The following EFL1 variants were observed in gnomAD, a reference collection of about 807,000 sequenced individuals.
EFL1 encodes the protein elongation factor-like GTPase 1.
EFL1 carries 76 observed loss-of-function variants against 126.7 expected under a neutral mutation model. That is an observed-to-expected ratio of 0.60 (90% CI 0.50 to 0.73). The LOEUF (loss-of-function observed/expected upper bound fraction) is 0.73. Ranked by LOEUF, EFL1 falls within the 30% of genes least tolerant of loss-of-function variation. The pLI is 0.00. For missense variants in EFL1, 1,128 were observed against 1,343.2 expected, an observed-to-expected ratio of 0.84 and a Z score of 2.50; for synonymous variants, 410 against 448.4, an observed-to-expected ratio of 0.91 and a Z score of 1.08.
chr15:82,225,397 T>C, intron 11 of EFL1, 133 bp from the exon 12 acceptor site: 3 of 607,216 alleles, frequency 4.9e-6, no homozygotes, highest in Admixed American at 3.9e-5. Context: ...TCCATAACTT[T>C]TTCCAACTAT....
At chr15:82,224,843 T>A (rs766993115) in intron 12 of EFL1, among the ~76,000 whole-genome samples, 1 of 152,226 alleles carries the variant, frequency 6.6e-6, no homozygotes, top group South Asian at 2.1e-4. Flanking sequence ...CAGAATTAGA[T>A]GAGACAAGGC....
chr15:82,210,979 T>C (rs1487850766), intron 15 of EFL1, among the ~76,000 whole-genome samples: 2 of 152,098 alleles, frequency 1.3e-5, no homozygotes, highest in Non-Finnish European at 2.9e-5. Context: ...GCCACTAGGC[T>C]TTGAGTGTTA....
intron 8 of EFL1, among the ~76,000 whole-genome samples, chr15:82,229,620 T>C (rs1233779646): frequency 6.6e-6 from 1 of 152,142 alleles, no homozygotes; most frequent in Non-Finnish European, 1.5e-5. Flanking sequence ...ATACACGAGA[T>C]GGGATATATT....
chr15:82,180,434 C>A (rs2074241167), intron 15 of EFL1, among the ~76,000 whole-genome samples: 1 of 147,126 alleles, frequency 6.8e-6, no homozygotes. Flanking sequence ...TAGTGATTAT[C>A]ACTGAAACAC....
chr15:82,146,365 GA>G (rs2073845820), intron 18 of EFL1, among the ~76,000 whole-genome samples: 1 of 152,152 alleles, frequency 6.6e-6, no homozygotes, highest in Non-Finnish European at 1.5e-5. Flanking sequence ...CTTCTCAGAA[GA>G]TCTCTAAATA....
At chr15:82,140,322 C>T (rs1412021216) in intron 18 of EFL1, among the ~76,000 whole-genome samples, 1 of 152,086 alleles carries the variant, frequency 6.6e-6, no homozygotes, top group Non-Finnish European at 1.5e-5. Context: ...ATGTTCCTAA[C>T]CTAAATGCTT....
chr15:82,231,394 C>A (rs936081863), intron 7 of EFL1, among the ~76,000 whole-genome samples: 1 of 152,102 alleles, frequency 6.6e-6, no homozygotes, highest in African/African-American at 2.4e-5. Flanking sequence ...TGAGCCACAA[C>A]CTGCCAAAAC....
intron 4 of EFL1, 28 bp from the exon 5 acceptor site, chr15:82,241,431 T>G (rs747114653): frequency 6.2e-7 from 1 of 1,605,312 alleles, no homozygotes; most frequent in Non-Finnish European, 8.5e-7. Flanking sequence ...AACACACATT[T>G]TCAGTTGTCC....
chr15:82,230,910 T>G lies in EFL1; in HGVS notation c.793A>C (p.Lys265Gln), dbSNP rs768127066. The change falls in exon 8 of 20, where the codon AAA (lysine) becomes CAA (glutamine). Residue 265 changes from lysine to glutamine, a missense_variant. Lys to Gln is a moderately conservative substitution (Grantham distance 53, BLOSUM62 1). Coordinates refer to ENST00000268206, the MANE Select transcript of EFL1 (RefSeq NM_024580.6). ...KIGIKKEVLM[K>Q]TLWGDYYINM... ...ATATAGTAATCTCCCCACAAGGTTT[T>G]CATAAGAACTTCCTTTTTGATGCCA... 2 of 1,613,580 alleles carry G rather than the reference T, an allele frequency of 1.2e-6. No individual in the cohort carries two copies. The highest frequency in any genetic ancestry group is 1.7e-6 in the Non-Finnish European group (2 of 1,179,678).
intron 15 of EFL1, among the ~76,000 whole-genome samples, chr15:82,202,955 G>T (rs1209685882): frequency 6.6e-6 from 1 of 151,930 alleles, no homozygotes; most frequent in African/African-American, 2.4e-5. Context: ...GGGGTTACAG[G>T]CATGTTCCAC....
At chr15:82,137,876 C>T (rs907465038) in intron 19 of EFL1, among the ~76,000 whole-genome samples, 2 of 152,096 alleles carry the variant, frequency 1.3e-5, no homozygotes, top group Non-Finnish European at 2.9e-5. Flanking sequence ...ATTGAGTGTC[C>T]TTCTTCTTAG....
intron 4 of EFL1, among the ~76,000 whole-genome samples, chr15:82,249,777 G>C (rs780096793): frequency 6.6e-6 from 1 of 151,940 alleles, no homozygotes; most frequent in African/African-American, 2.4e-5. Context: ...GATAATAGAG[G>C]TTCCATTTTC....
intron 15 of EFL1, among the ~76,000 whole-genome samples, chr15:82,193,584 A>G (rs1381236916): frequency 1.3e-5 from 2 of 152,304 alleles, no homozygotes; most frequent in Admixed American, 1.3e-4. Context: ...CTAGAGTAAA[A>G]TTTGGCAAAA....
chr15:82,145,159 C>T (rs920330831), intron 18 of EFL1, among the ~76,000 whole-genome samples: 7 of 151,152 alleles, frequency 4.6e-5, no homozygotes, highest in African/African-American at 1.7e-4. Flanking sequence ...TAAAATTAGC[C>T]GGGCGTGGTG....
intron 18 of EFL1, among the ~76,000 whole-genome samples, chr15:82,150,032 A>G (rs1021281051): frequency 6.6e-6 from 1 of 152,246 alleles, no homozygotes; most frequent in African/African-American, 2.4e-5. Context: ...AGAATAGTCT[A>G]GATTGGTGTT....
At position 82,151,988 on chromosome 15, in the gene EFL1, T is replaced by A. The variant is rs763315380; in HGVS notation, c.2466A>T (p.Gln822His). ...ATTTTCTTGGGCCAAATGACCAGATTTGGTCAACAATGTTCCTCCATCTTC... is the reference window on the plus strand; with the variant it reads ...ATTTTCTTGGGCCAAATGACCAGATATGGTCAACAATGTTCCTCCATCTTC... Reference protein sequence around the residue: ...TGRRWRNIVDQIWSFGPRKCG... With the variant: ...TGRRWRNIVDHIWSFGPRKCG... The change falls in exon 18 of 20, where the codon CAA (glutamine) becomes CAT (histidine). Residue 822 changes from glutamine (Q) to histidine (H), a missense_variant. Gln to His is a conservative substitution (Grantham distance 24). Transcript: ENST00000268206. 6.2e-7 allele frequency: 1 copy of A among 1,614,042 alleles called. No individual in the cohort carries two copies. Among genetic ancestry groups the A allele is most frequent in the East Asian group, 2.2e-5 (1 of 44,896 alleles).
intron 11 of EFL1, 39 bp downstream of exon 11, chr15:82,227,411 A>C (rs770573341): frequency 3.1e-6 from 5 of 1,613,744 alleles, no homozygotes; most frequent in Non-Finnish European, 4.2e-6. Flanking sequence ...GAGGACAGTC[A>C]ATGACATGGT....
chr15:82,194,855 C>G (rs1414340965), intron 15 of EFL1, among the ~76,000 whole-genome samples: 1 of 152,106 alleles, frequency 6.6e-6, no homozygotes, highest in Admixed American at 6.5e-5. Context: ...TTTTCGGAAT[C>G]TTGTAATCAA....
chr15:82,229,051 A>G lies in EFL1; in HGVS notation c.915T>C (p.Tyr305=). ...AGTCTTACTTTTTCAAAACAGCATCATACAAACTCCATATATTTTCCAGGA... is the reference window on the plus strand; with the variant it reads ...AGTCTTACTTTTTCAAAACAGCATCGTACAAACTCCATATATTTTCCAGGA... The part of the protein sequence containing the change: ...QLILENIWSL[Y]DAVLKKDKDK... Residue 305 remains tyrosine (Y), a synonymous_variant, in exon 9 of 20, where the codon TAT becomes TAC. Coordinates refer to ENST00000268206, the MANE Select transcript of EFL1 (RefSeq NM_024580.6). 1 of 1,612,432 alleles carries G rather than the reference A, an allele frequency of 6.2e-7. No individual in the cohort carries two copies.
Sources: gnomAD v4.1 joint callset for allele counts (sites outside exome capture counted in the v4.1 genomes callset) on GRCh38, gnomAD v4.1.1 for gene constraint, MANE v1.5 for transcripts, NCBI Gene and HGNC (gene_info 2026-07-23, HGNC 2026-07-21) for gene names.